The following DDX47 variants were observed in gnomAD, a reference collection of about 807,000 sequenced individuals.
The protein encoded by DDX47 is DEAD-box helicase 47.
DDX47 carries 60 observed loss-of-function variants against 58.8 expected under a neutral mutation model. That is an observed-to-expected ratio of 1.02 (90% CI 0.83 to 1.26). DDX47 has a LOEUF of 1.26. Ranked by LOEUF, DDX47 falls within the 50% of genes most tolerant of loss-of-function variation. The probability of loss-of-function intolerance (pLI) is 0.00; values close to 1 mark genes in which losing one functional copy is unlikely to be tolerated. For missense variants in DDX47, 530 were observed against 573.2 expected (o/e 0.92, Z 0.77); for synonymous variants, 197 against 204.6 (o/e 0.96, Z 0.32).
intron 6 of DDX47, among the ~76,000 whole-genome samples, 156 bp from the exon 7 acceptor site, chr12:12,823,047 C>T (rs1354938705): frequency 6.6e-6 from 1 of 152,132 alleles, no homozygotes; most frequent in African/African-American, 2.4e-5. Context: ...TGGGGAAAAC[C>T]ACCTCTGTGA....
At chr12:12,826,942 A>G (rs1181736892) in intron 10 of DDX47, among the ~76,000 whole-genome samples, 3 of 151,744 alleles carry the variant, frequency 2.0e-5, no homozygotes, top group Admixed American at 6.6e-5. Context: ...TTTTTTATAG[A>G]GATGGCATCT....
chr12:12,821,152 A>C (rs988251155), intron 2 of DDX47, 56 bp from the exon 3 acceptor site: 2 of 1,575,096 alleles, frequency 1.3e-6, no homozygotes, highest in Admixed American at 1.7e-5. Flanking sequence ...TCATTGTAGA[A>C]AACACAGAAA....
rs111506767 is a variant in DDX47, at chr12:12,813,420, T to A, written c.53T>A (p.Val18Glu). 6.2e-7 allele frequency: 1 copy of A among 1,613,260 alleles called. No individual in the cohort carries two copies. Among genetic ancestry groups the A allele is most frequent in the Non-Finnish European group, 8.5e-7 (1 of 1,179,592 alleles). ...DSPTEASQPI[V>E]EEEETKTFKD... ...CCGACCGAAGCGTCCCAGCCGATTG[T>A]GGAAGAGGAGGAAACTAAAACATTT... The change falls in exon 1 of 12, where the codon GTG becomes GAG. Residue 18 changes from valine to glutamate, a missense_variant. Val to Glu is a moderately radical substitution (Grantham distance 121). Transcript: ENST00000358007.
intron 9 of DDX47, 101 bp downstream of exon 9, chr12:12,824,778 T>A: frequency 7.6e-7 from 1 of 1,312,882 alleles, no homozygotes; most frequent in African/African-American, 1.5e-5. Context: ...TGTTCCTGGT[T>A]AATTAAGTAT....
chr12:12,822,135 C>T, intron 5 of DDX47, 52 bp downstream of exon 5: 1 of 1,347,878 alleles, frequency 7.4e-7, no homozygotes, highest in Non-Finnish European at 1.1e-6. Context: ...GTTCCTGTTT[C>T]AAAATTTGGT....
At chr12:12,817,167 A>T (rs1486894826) in intron 2 of DDX47, among the ~76,000 whole-genome samples, 2 of 152,138 alleles carry the variant, frequency 1.3e-5, no homozygotes, top group South Asian at 4.1e-4. Context: ...TGAATTTGGG[A>T]CTACTGACGT....
intron 8 of DDX47, 170 bp downstream of exon 8, chr12:12,824,186 G>T: frequency 1.3e-6 from 1 of 797,690 alleles, no homozygotes; most frequent in South Asian, 2.1e-5. Context: ...CTCCTTTCAG[G>T]GTAGCGAGAG....
At chr12:12,821,632 C>A in intron 3 of DDX47, 23 bp from the exon 4 acceptor site, 1 of 1,609,556 alleles carries the variant, frequency 6.2e-7, no homozygotes, top group African/African-American at 1.3e-5. Context: ...GATCTCGTCT[C>A]TATGTTCTTT....
intron 2 of DDX47, among the ~76,000 whole-genome samples, chr12:12,817,489 G>A (rs1211806869): frequency 6.6e-6 from 1 of 152,142 alleles, no homozygotes; most frequent in African/African-American, 2.4e-5. Context: ...GAGGTGGGAG[G>A]ATTGCTTGAG....
At chr12:12,822,567 A>T in intron 5 of DDX47, 94 bp from the exon 6 acceptor site, 1 of 954,328 alleles carries the variant, frequency 1.0e-6, no homozygotes, top group Non-Finnish European at 1.7e-6. Flanking sequence ...TGATATATTT[A>T]GTTTGTTAGT....
intron 2 of DDX47, among the ~76,000 whole-genome samples, chr12:12,814,838 C>T (rs547563457): frequency 3.3e-5 from 5 of 152,008 alleles, no homozygotes; most frequent in South Asian, 2.1e-4. Context: ...TCACCATGTC[C>T]GGCTAATTTT....
intron 9 of DDX47, 198 bp downstream of exon 9, chr12:12,824,875 G>T: frequency 6.2e-6 from 3 of 485,590 alleles, no homozygotes; most frequent in South Asian, 4.0e-5. Context: ...GAAAGAGGTA[G>T]CCAAGGAGAG....
In DDX47 at chr12:12,827,367, G is replaced by T. The variant is rs905132858; in HGVS notation, c.1228G>T (p.Ala410Ser). ...TERVAEAQRF[A>S]RMELREHGEK... is the part of the protein sequence containing the mutation. ...ACGCGTCGCTGAAGCCCAAAGGTTT[G>T]CCCGAATGGTATGCATCTTTCTTTT... is the stretch of plus-strand genomic sequence containing the variant. Residue 410 changes from alanine to serine, a missense_variant, in exon 11 of 12, where the codon GCC (alanine) becomes TCC (serine). By Grantham distance (99) the Ala-to-Ser change is moderately conservative. Transcript: ENST00000358007. 9 of 1,614,002 alleles carry T rather than the reference G, an allele frequency of 5.6e-6. No homozygotes were observed. Among genetic ancestry groups the T allele is most frequent in the South Asian group, 1.1e-5 (1 of 91,062 alleles).
chr12:12,819,184 T>G lies in DDX47; in HGVS notation c.182-2024T>G, dbSNP rs139536018. 2.8e-3 allele frequency among the ~76,000 whole-genome samples: 429 copies of G among 152,328 alleles called. 3 individuals are homozygous for G. Among genetic ancestry groups the G allele is most frequent in the African/African-American group, 9.9e-3 (412 of 41,570 alleles). ...TTTCTTCTGTCTTTCTAGCTGTTCT[T>G]TCTCAGTCTCTTCTTCTGGTTCTTT... is the stretch of plus-strand genomic sequence containing the variant. On this transcript the variant is annotated intron_variant, in intron 2 of 11. Transcript: ENST00000358007.
At chr12:12,827,208 T>G (rs1746271406) in intron 10 of DDX47, 38 bp from the exon 11 acceptor site, 1 of 1,603,680 alleles carries the variant, frequency 6.2e-7, no homozygotes, top group Non-Finnish European at 8.5e-7. Flanking sequence ...GCATTTGCGT[T>G]ACCAGGCAAC....
At position 12,829,404 on chromosome 12, in the gene DDX47, C is replaced by T. The variant is rs1287336775; in HGVS notation, c.1237-19C>T. 1.9e-6 allele frequency: 3 copies of T among 1,597,446 alleles called. No homozygotes were observed. Among genetic ancestry groups the T allele is most frequent in the South Asian group, 2.3e-5 (2 of 87,654 alleles). ...CCAGTAATTCATTTTCAATCCCATC[C>T]TCTCTTTTTTTCTTGCAGGAGTTAA... On this transcript the variant is annotated intron_variant, in intron 11 of 11. Transcript: ENST00000358007.
chr12:12,820,799 C>G (rs1468664484), intron 2 of DDX47: 1 of 204,188 alleles, frequency 4.9e-6, no homozygotes, highest in African/African-American at 2.4e-5. Flanking sequence ...CCATGCCCAG[C>G]CAGCATGCTA....
Position 12,822,675 on chromosome 12 carries a change from C to T in DDX47, c.576C>T (p.Leu192=). Residue 192 remains leucine (L), a synonymous_variant, in exon 6 of 12, where the codon CTC becomes CTT. Coordinates refer to ENST00000358007, the MANE Select transcript of DDX47 (RefSeq NM_016355.4). ...MDFETEVDKI[L]KVIPRDRKTF... is the part of the protein sequence containing the mutation. Reference sequence around the variant, plus strand: ...TTGTGCTTTAGGTTGACAAGATCCTCAAAGTGATTCCTCGAGATCGGAAAA... The same window carrying T: ...TTGTGCTTTAGGTTGACAAGATCCTTAAAGTGATTCCTCGAGATCGGAAAA... 6.2e-7 allele frequency: 1 copy of T among 1,613,996 alleles called. No individual in the cohort carries two copies. Among genetic ancestry groups the T allele is most frequent in the African/African-American group, 1.3e-5 (1 of 75,024 alleles).
At chr12:12,823,461 A>T (rs1863003990) in intron 7 of DDX47, 142 bp downstream of exon 7, 1 of 645,038 alleles carries the variant, frequency 1.6e-6, no homozygotes, top group Non-Finnish European at 2.8e-6. Flanking sequence ...TATCGTGCTT[A>T]TATTATCACC....
Sources: allele counts gnomAD v4.1 joint callset (sites outside exome capture counted in the v4.1 genomes callset), GRCh38; gene constraint gnomAD v4.1.1; transcripts MANE v1.5; gene names NCBI Gene and HGNC (gene_info 2026-07-23, HGNC 2026-07-21).